Variants in AVEN observed in about 807,000 individuals in gnomAD.
AVEN encodes cell death regulator Aven.
A neutral mutation model predicts 38.1 loss-of-function variants in AVEN; 41 were observed. The ratio of observed to expected loss-of-function variants is 1.08; its 90% CI spans 0.84 to 1.40. The LOEUF is 1.40. Among genes scored for constraint, AVEN ranks in the 40% most tolerant of loss-of-function variants. AVEN has a pLI of 0.00. For missense variants in AVEN, 605 were observed against 438.8 expected, an observed-to-expected ratio of 1.38 and a Z score of -3.38; for synonymous variants, 206 against 171.8, an observed-to-expected ratio of 1.20 and a Z score of -1.56.
chr15:33,854,349 T>C (rs1455486442), downstream of AVEN: 1 of 1,523,276 alleles, frequency 6.6e-7, no homozygotes, highest in Non-Finnish European at 8.9e-7. Context: ...TAACTACCTC[T>C]TGACATTTAT....
At chr15:33,851,919 A>G in the AVEN span, 1 of 152,200 alleles carries the variant, frequency 6.6e-6, no homozygotes, top group East Asian at 1.9e-4. Flanking sequence ...GAGATAAAAT[A>G]TTAGCAGTTT....
At chr15:33,853,517 C>T in the AVEN span, 26 of 1,602,530 alleles carry the variant, frequency 1.6e-5, no homozygotes, top group East Asian at 4.3e-4. Flanking sequence ...TTGGTGGTGG[C>T]GTGTGGCCTG....
chr15:33,919,719 A>G (rs1893316210), intron 2 of AVEN, among the ~76,000 whole-genome samples: 1 of 152,214 alleles, frequency 6.6e-6, no homozygotes, highest in Non-Finnish European at 1.5e-5. Flanking sequence ...ACTTCCAGAT[A>G]TGTGACAATA....
intron 2 of AVEN, among the ~76,000 whole-genome samples, chr15:33,933,835 T>C (rs1290692752): frequency 1.3e-5 from 2 of 152,058 alleles, no homozygotes; most frequent in Non-Finnish European, 2.9e-5. Context: ...GACACACACC[T>C]GTAATCCCAG....
chr15:33,922,977 C>T (rs1414986823), intron 2 of AVEN, among the ~76,000 whole-genome samples: 1 of 152,070 alleles, frequency 6.6e-6, no homozygotes, highest in Non-Finnish European at 1.5e-5. Context: ...TAATCAGTTT[C>T]TCATGTATAT....
intron 1 of AVEN, among the ~76,000 whole-genome samples, chr15:34,013,053 G>GT (rs922456173): frequency 3.4e-5 from 5 of 147,840 alleles, no homozygotes; most frequent in African/African-American, 9.8e-5. Flanking sequence ...TATCACAGTG[G>GT]TTTTTTTGTT....
At chr15:34,029,742 A>G (rs1046730727) in intron 1 of AVEN, among the ~76,000 whole-genome samples, 1 of 152,168 alleles carries the variant, frequency 6.6e-6, no homozygotes, top group Non-Finnish European at 1.5e-5. Flanking sequence ...AAAAATCATA[A>G]CTTCCTTGGA....
intron 2 of AVEN, among the ~76,000 whole-genome samples, chr15:33,909,441 A>G (rs1892837130): frequency 6.6e-6 from 1 of 152,208 alleles, no homozygotes. Flanking sequence ...ATGGGTTAAT[A>G]CTCATAACCA....
chr15:34,018,689 C>T (rs917006590), intron 1 of AVEN, among the ~76,000 whole-genome samples: 1 of 152,224 alleles, frequency 6.6e-6, no homozygotes, highest in African/African-American at 2.4e-5. Context: ...TGGGTTGCTG[C>T]TGCTGGCTGG....
At chr15:33,906,245 T>C (rs10152857) in intron 2 of AVEN, among the ~76,000 whole-genome samples, 69,385 of 151,928 alleles carry the variant, frequency 0.46, 17,602 homozygotes, top group East Asian at 0.6. Context: ...AAATGAAACA[T>C]GCACCAATAG....
chr15:34,036,104 GTT>G (rs34150464), intron 1 of AVEN, among the ~76,000 whole-genome samples: 36 of 149,038 alleles, frequency 2.4e-4, no homozygotes, highest in Admixed American at 4.0e-4. Context: ...CCAGTTTTGT[GTT>G]TTTTTTTTAA....
intron 1 of AVEN, among the ~76,000 whole-genome samples, chr15:34,009,136 T>C (rs1897521623): frequency 1.3e-5 from 2 of 152,176 alleles, no homozygotes; most frequent in African/African-American, 4.8e-5. Flanking sequence ...AAATAAACTG[T>C]CAGCCAAGAA....
chr15:33,905,130 CAAA>C (rs71117197), intron 2 of AVEN, among the ~76,000 whole-genome samples: 12 of 121,304 alleles, frequency 9.9e-5, no homozygotes, highest in African/African-American at 4.0e-4. Flanking sequence ...ACTCCGTCTC[CAAA>C]AAAAAAAAAA....
At chr15:33,960,141 A>G (rs1207113410) in intron 2 of AVEN, among the ~76,000 whole-genome samples, 1 of 152,136 alleles carries the variant, frequency 6.6e-6, no homozygotes, top group Non-Finnish European at 1.5e-5. Context: ...CAAATTAACA[A>G]AAGCAGAAGC....
intron 2 of AVEN, among the ~76,000 whole-genome samples, chr15:33,943,999 G>T (rs1894416009): frequency 6.6e-6 from 1 of 151,916 alleles, no homozygotes; most frequent in Non-Finnish European, 1.5e-5. Flanking sequence ...CTCATAAAGG[G>T]CCAGGATTAC....
intron 2 of AVEN, among the ~76,000 whole-genome samples, chr15:33,954,288 G>A (rs1180399153): frequency 4.6e-5 from 7 of 152,058 alleles, no homozygotes; most frequent in Admixed American, 1.3e-4. Flanking sequence ...TTGACCCAGC[G>A]ATCCCATTAC....
intron 4 of AVEN, chr15:34,065,760 T>G (rs1184430814): frequency 1.3e-5 from 2 of 152,074 alleles, no homozygotes; most frequent in Non-Finnish European, 2.9e-5. Flanking sequence ...TGGACAAAAG[T>G]CCACAAAGAA....
intron 1 of AVEN, among the ~76,000 whole-genome samples, chr15:34,008,948 G>GCA (rs1459998096): frequency 0.012 from 219 of 17,956 alleles, 1 homozygote; most frequent in African/African-American, 0.015. Context: ...TCACACGTGC[G>GCA]CGCGCGCACA....
intron 2 of AVEN, among the ~76,000 whole-genome samples, chr15:33,904,134 T>G (rs1045171405): frequency 1.4e-4 from 21 of 152,208 alleles, no homozygotes; most frequent in African/African-American, 4.8e-4. Context: ...AACACATATT[T>G]GTAGGCCAGG....
Sources: allele counts gnomAD v4.1 joint callset (sites outside exome capture counted in the v4.1 genomes callset), GRCh38; gene constraint gnomAD v4.1.1; transcripts MANE v1.5; gene names NCBI Gene and HGNC (gene_info 2026-07-23, HGNC 2026-07-21).